The following KMT2D variants were observed in gnomAD, a reference collection of about 807,000 sequenced individuals.
The protein encoded by KMT2D is lysine methyltransferase 2D.
A neutral mutation model predicts 512.7 loss-of-function variants in KMT2D; 55 were observed. That is an observed-to-expected ratio of 0.11 (90% CI 0.09 to 0.13). The LOEUF (loss-of-function observed/expected upper bound fraction) is 0.13. Among genes scored for constraint, KMT2D ranks in the 10% least tolerant of loss-of-function variants. The pLI, the probability that KMT2D is intolerant of heterozygous loss-of-function variation, is 1.00. For synonymous variants in KMT2D, 2,995 were observed against 2,904.0 expected (o/e 1.03, Z -1.01); for missense variants, 6,061 against 7,127.9 (o/e 0.85, Z 5.39).
chr12:49,026,681 G>A lies in KMT2D; in HGVS notation c.15285C>T (p.Cys5095=), dbSNP rs747841279. The A allele has an allele frequency of 1.6e-5, 26 of 1,613,992 alleles. No homozygotes were observed. The Middle Eastern group carries it at 2.5e-3, about 154-fold the overall frequency. Residue 5095 remains cysteine (C), a synonymous_variant, in exon 49 of 55, where the codon TGC becomes TGT. Coordinates refer to ENST00000301067, the MANE Select transcript of KMT2D (RefSeq NM_003482.4). This position sits in a 1 kb window ranked among gnomAD's most constrained non-coding sequence, Gnocchi z 9.6. ...HRGLLTKCSL[C]QRTGATSSCN... The stretch of plus-strand genomic sequence containing the variant: ...AGCTGCTGGTGGCACCAGTTCGCTG[G>A]CACAGGGAGCACTTGGTTAGCAGTC...
rs2137714524 is a variant in KMT2D at position 49,026,161 on chromosome 12, T to C, written c.15784+21A>G. 3 of 1,541,464 alleles carry C rather than the reference T, an allele frequency of 1.9e-6. No individual in the cohort carries two copies. The highest frequency in any genetic ancestry group is 1.8e-6 in the Non-Finnish European group (2 of 1,142,420). ...AACTTTTCCCATTCCATATTATCCA[T>C]TTCAAGGGCCCACTGCTCACCCTGG... On this transcript the variant is annotated intron_variant, in intron 49 of 54. Transcript: ENST00000301067. The surrounding 1 kb of genome is among the most constrained non-coding windows in gnomAD (Gnocchi z 9.6).
rs1280408158 is a variant in KMT2D, at chr12:49,042,832, A to G, written c.5691T>C (p.Asp1897=). Residue 1897 remains aspartate (D), a synonymous_variant, in exon 27 of 55, where the codon GAT becomes GAC. Coordinates refer to ENST00000301067, the MANE Select transcript of KMT2D (RefSeq NM_003482.4). The surrounding 1 kb of genome is among the most constrained non-coding windows in gnomAD (Gnocchi z 4.4). ...ESKDLQQLFK[D]VLGSEREQHL... is the part of the protein sequence containing the mutation. ...GCTGTTCTCGTTCAGAGCCCAGAAC[A>G]TCCTTGAAGAGCTGCTGCAGGTCCT... 1 of 1,613,946 alleles carries G rather than the reference A, an allele frequency of 6.2e-7. No individual in the cohort carries two copies. The highest frequency in any genetic ancestry group is 1.1e-5 in the South Asian group (1 of 91,088).
chr12:49,024,276 G>T lies in KMT2D; in HGVS notation c.16052+302C>A, dbSNP rs1942465917. 6.6e-6 allele frequency among the ~76,000 whole-genome samples: 1 copy of T among 152,118 alleles called. No individual in the cohort carries two copies. Among genetic ancestry groups the T allele is most frequent in the Non-Finnish European group, 1.5e-5 (1 of 68,008 alleles). On this transcript the variant is annotated intron_variant, in intron 51 of 54. Transcript: ENST00000301067. This position sits in a 1 kb window ranked among gnomAD's most constrained non-coding sequence, Gnocchi z 4.5. Reference sequence around the variant, plus strand: ...CAGGCCCTCCCCCAGAAGTAAAACAGGAGAAGAAAGAGGTGACCAAGTCCC... The same window carrying T: ...CAGGCCCTCCCCCAGAAGTAAAACATGAGAAGAAAGAGGTGACCAAGTCCC...
Position 49,021,881 on chromosome 12 carries a change from A to AG in KMT2D, c.16522-10dup. 6.2e-7 allele frequency: 1 copy of AG among 1,610,892 alleles called. No homozygotes were observed. Among genetic ancestry groups the AG allele is most frequent in the African/African-American group, 1.3e-5 (1 of 74,960 alleles). ...TGATAGTCATAGGTTAGCTGAAAAGAGAAGAGGGCAGAATCAATGCTAGTC... is the reference window on the plus strand; with the variant it reads ...TGATAGTCATAGGTTAGCTGAAAAGAGGAAGAGGGCAGAATCAATGCTAGTC... On this transcript the variant is annotated splice_polypyrimidine_tract_variant and intron_variant, in intron 54 of 54. Coordinates refer to ENST00000301067, the MANE Select transcript of KMT2D (RefSeq NM_003482.4).
intron 35 of KMT2D, among the ~76,000 whole-genome samples, chr12:49,035,290 C>A (rs1025080903): frequency 6.6e-6 from 1 of 152,216 alleles, no homozygotes; most frequent in African/African-American, 2.4e-5. Flanking sequence ...TATAAGTACA[C>A]TTTATGACTC....
At position 49,060,168 on chromosome 12, in the gene KMT2D, G is replaced by GGCGGGGCC. The variant is rs1386287402; in HGVS notation, c.-601_-594dup. On this transcript the variant is annotated 5_prime_UTR_variant, in exon 1 of 55. Coordinates refer to ENST00000301067, the MANE Select transcript of KMT2D (RefSeq NM_003482.4). The stretch of plus-strand genomic sequence containing the variant: ...GCGCGAGCTACGGCGACGCGGGGCC[G>GGCGGGGCC]GCGGGGCCGCGGGGCTGAACCTGAC... Among the ~76,000 whole-genome samples the GGCGGGGCC allele has an allele frequency of 1.3e-5, 2 of 151,486 alleles. No homozygotes were observed. The highest frequency in any genetic ancestry group is 4.9e-5 in the African/African-American group (2 of 41,210).
rs2120698633 is a variant in KMT2D, at chr12:49,053,595, G to A, written c.720C>T (p.Asp240=). Residue 240 remains aspartate (D), a synonymous_variant, in exon 7 of 55, where the codon GAC becomes GAT. Transcript: ENST00000301067. ...GCCCACAGCTGGTACAGAAGAACAGGTCACACAACTCCCCTGGCCCCTCAC... is the reference window on the plus strand; with the variant it reads ...GCCCACAGCTGGTACAGAAGAACAGATCACACAACTCCCCTGGCCCCTCAC... The part of the protein sequence containing the change: ...AVCEGPGELC[D]LFFCTSCGHH... 1 of 1,598,202 alleles carries A rather than the reference G, an allele frequency of 6.3e-7. No homozygotes were observed. The highest frequency in any genetic ancestry group is 8.5e-7 in the Non-Finnish European group (1 of 1,172,696).
At chr12:49,034,520 G>A (rs752339485) in intron 37 of KMT2D, 44 bp from the exon 38 acceptor site, 36 of 1,611,896 alleles carry the variant, frequency 2.2e-5, no homozygotes, top group African/African-American at 4.0e-5. Flanking sequence ...TCCCTGCTAG[G>A]CCCTAAGAAG....
rs1022611871 is a variant in KMT2D, at chr12:49,054,434, G to C, written c.401-18C>G. ...GCAGGACCCTTTACAGGTGGGAAGA[G>C]GTAAAGAGAAAGGAAAGAATTAACA... On this transcript the variant is annotated intron_variant, in intron 4 of 54. Coordinates refer to ENST00000301067, the MANE Select transcript of KMT2D (RefSeq NM_003482.4). This position sits in a 1 kb window ranked among gnomAD's most constrained non-coding sequence, Gnocchi z 6.4. The C allele has an allele frequency of 1.3e-6, 2 of 1,573,398 alleles. No homozygotes were observed. The highest frequency in any genetic ancestry group is 1.7e-6 in the Non-Finnish European group (2 of 1,158,976).
At position 49,033,515 on chromosome 12, in the gene KMT2D, C is replaced by T; in HGVS notation, c.11190G>A (p.Leu3730=). The T allele has an allele frequency of 6.2e-7, 1 of 1,613,500 alleles. No individual in the cohort carries two copies. Reference sequence around the variant, plus strand: ...GCTGCTGCTGCTGCAGTTTCTGGGCCAGCTGCATACGTTGCTGCTGCAGCT... The same window carrying T: ...GCTGCTGCTGCTGCAGTTTCTGGGCTAGCTGCATACGTTGCTGCTGCAGCT... The part of the protein sequence containing the change: ...QLQLQQQRMQ[L]AQKLQQQQQQ... Residue 3730 remains leucine, a synonymous_variant, in exon 40 of 55, where the codon CTG becomes CTA. Transcript: ENST00000301067.
In KMT2D at chr12:49,050,194, C is replaced by T. The variant is rs1167191582; in HGVS notation, c.3394G>A (p.Gly1132Ser). ...TAPLDGIDAP[G>S]SQPEPGQTPG... ...GTCTGTCCAGGCTCTGGCTGTGAAC[C>T]CGGAGCATCAATCCCATCCAGAGGG... Residue 1132 changes from glycine to serine, a missense_variant, in exon 12 of 55, where the codon GGT becomes AGT. Transcript: ENST00000301067. 1 of 1,613,784 alleles carries T rather than the reference C, an allele frequency of 6.2e-7. No individual in the cohort carries two copies. The highest frequency in any genetic ancestry group is 8.5e-7 in the Non-Finnish European group (1 of 1,179,862).
intron 1 of KMT2D, among the ~76,000 whole-genome samples, chr12:49,058,985 A>C (rs1938576273): frequency 6.6e-6 from 1 of 151,756 alleles, no homozygotes; most frequent in South Asian, 2.1e-4. Context: ...GGGCAGTTTA[A>C]AGTTGAACAG....
rs1270828892 is a variant in KMT2D, at chr12:49,059,801, G to A, written c.-226C>T. ...CAAAAAAACAGCAAGAAGCCAAAGA[G>A]GGGTTCTCTGCCTCAGGTTCCAGCA... is the stretch of plus-strand genomic sequence containing the variant. On this transcript the variant is annotated 5_prime_UTR_variant, in exon 1 of 55. Transcript: ENST00000301067. The A allele has an allele frequency of 6.6e-6, 1 of 152,378 alleles. No individual in the cohort carries two copies. The highest frequency in any genetic ancestry group is 2.4e-5 in the African/African-American group (1 of 41,454). 9.4% of individuals were successfully genotyped at this position (152,378 alleles called of 1,614,324 possible).
chr12:49,050,673 G>A lies in KMT2D; in HGVS notation c.2915C>T (p.Pro972Leu), dbSNP rs530585519. 1.1e-5 allele frequency: 18 copies of A among 1,613,512 alleles called. No individual in the cohort carries two copies. Among genetic ancestry groups the A allele is most frequent in the East Asian group, 8.9e-5 (4 of 44,836 alleles). ...TGTCTCCAGGATGGGGGCAGCCAACGGTGACTCAGGGTCACTGTCCCCTTT... is the reference window on the plus strand; with the variant it reads ...TGTCTCCAGGATGGGGGCAGCCAACAGTGACTCAGGGTCACTGTCCCCTTT... Reference protein sequence around the residue: ...GAKGDSDPESPLAAPILETPI... With the variant: ...GAKGDSDPESLLAAPILETPI... The change falls in exon 12 of 55, where the codon CCG becomes CTG. Residue 972 changes from proline (P) to leucine (L), a missense_variant. Transcript: ENST00000301067.
rs748772041 is a variant in KMT2D, at chr12:49,032,578, T to C, written c.12127A>G (p.Thr4043Ala). ...VSSEATEGPS[T>A]HQGGPLAIGT... ...ATTGCTAACGGCCCTCCCTGATGTGTAGAGGGCCCCTCAGTGGCCTCTGAA... is the reference window on the plus strand; with the variant it reads ...ATTGCTAACGGCCCTCCCTGATGTGCAGAGGGCCCCTCAGTGGCCTCTGAA... The change falls in exon 40 of 55, where the codon ACA becomes GCA. Residue 4043 changes from threonine to alanine, a missense_variant. Coordinates refer to ENST00000301067, the MANE Select transcript of KMT2D (RefSeq NM_003482.4). 6.2e-7 allele frequency: 1 copy of C among 1,613,794 alleles called. No individual in the cohort carries two copies. Among genetic ancestry groups the C allele is most frequent in the Non-Finnish European group, 8.5e-7 (1 of 1,179,790 alleles).
At chr12:49,047,934 C>T in intron 15 of KMT2D, 31 bp downstream of exon 15, 1 of 1,482,412 alleles carries the variant, frequency 6.7e-7, no homozygotes. Context: ...ACCCTATTCC[C>T]CAGCCTACAC....
chr12:49,054,227 G>T lies in KMT2D; in HGVS notation c.510+80C>A. The stretch of plus-strand genomic sequence containing the variant: ...ACTAGCTCTGCCCCAGTATACCCAT[G>T]GTCCTTCTCATTCCAACCTGACTCT... On this transcript the variant is annotated intron_variant, in intron 5 of 54. Transcript: ENST00000301067. This position sits in a 1 kb window ranked among gnomAD's most constrained non-coding sequence, Gnocchi z 6.4. The T allele has an allele frequency of 7.8e-6, 12 of 1,532,622 alleles. No homozygotes were observed. Among genetic ancestry groups the T allele is most frequent in the Non-Finnish European group, 1.1e-5 (12 of 1,130,936 alleles). The allele number at this position is 1,532,622 out of a possible 1,614,324, so 94.9% of individuals were successfully genotyped here.
intron 12 of KMT2D, 93 bp from the exon 13 acceptor site, chr12:49,049,311 G>GTGTCT (rs1937772782): frequency 2.5e-6 from 2 of 792,486 alleles, no homozygotes; most frequent in Non-Finnish European, 4.0e-6. Context: ...AACGGACAGA[G>GTGTCT]TAAGACAGGT....
chr12:49,029,109 G>A lies in KMT2D; in HGVS notation c.14203C>T (p.Arg4735Trp), dbSNP rs751383638. The change falls in exon 45 of 55, where the codon CGG (arginine) becomes TGG (tryptophan). Residue 4735 changes from arginine to tryptophan, a missense_variant. Arg to Trp is a moderately radical substitution (Grantham distance 101). Transcript: ENST00000301067. The part of the protein sequence containing the change: ...LGSGRWEQED[R>W]ALSPVIPLIP... The stretch of plus-strand genomic sequence containing the variant: ...AGGGGGATGACAGGGGAGAGGGCCC[G>A]GTCCTCTTGCTCCCACCGGCCTGAG... 6 of 1,611,122 alleles carry A rather than the reference G, an allele frequency of 3.7e-6. No individual in the cohort carries two copies. The highest frequency in any genetic ancestry group is 2.2e-5 in the South Asian group (2 of 90,968).
Sources: allele counts gnomAD v4.1 joint callset (sites outside exome capture counted in the v4.1 genomes callset), GRCh38; gene constraint gnomAD v4.1.1; non-coding constraint Gnocchi (gnomAD v3.1); transcripts MANE v1.5; gene names NCBI Gene and HGNC (gene_info 2026-07-23, HGNC 2026-07-21).